Variants in TNS3 observed in about 807,000 individuals in gnomAD.
The protein encoded by TNS3 is tensin 3.
Under a neutral mutation model 140.9 loss-of-function variants are expected in TNS3, and 45 were observed. The observed-to-expected ratio is 0.32, with a 90% CI of 0.25 to 0.41. The LOEUF (loss-of-function observed/expected upper bound fraction) is 0.41, where lower values mean the gene tolerates loss of function less well. Ranked by LOEUF, TNS3 falls within the 10% of genes least tolerant of loss-of-function variation. The pLI is 1.00. For missense variants in TNS3, 1,716 were observed against 1,906.7 expected (o/e 0.90, Z 1.86); for synonymous variants, 815 against 788.4 (o/e 1.03, Z -0.56).
In TNS3 at chr7:47,297,064, A is replaced by G. The variant is rs1786067331; in HGVS notation, c.3676+18T>C. 1.2e-6 allele frequency: 2 copies of G among 1,614,088 alleles called. No individual in the cohort carries two copies. Among genetic ancestry groups the G allele is most frequent in the South Asian group, 1.1e-5 (1 of 91,082 alleles). On this transcript the variant is annotated intron_variant, in intron 24 of 30. Coordinates refer to ENST00000311160, the MANE Select transcript of TNS3 (RefSeq NM_022748.12). ...CTGTGGATGAGCTGAACAGATCAAT[A>G]GGGAGCAGTAACCTTACCTTTCTTG...
intron 3 of TNS3, among the ~76,000 whole-genome samples, chr7:47,504,769 G>T (rs911920835): frequency 2.0e-5 from 3 of 152,146 alleles, no homozygotes; most frequent in African/African-American, 7.2e-5. Flanking sequence ...AACAACGACG[G>T]CATTATATTT....
intron 20 of TNS3, among the ~76,000 whole-genome samples, chr7:47,310,349 G>A (rs1787016794): frequency 1.3e-5 from 2 of 152,104 alleles, no homozygotes; most frequent in African/African-American, 4.8e-5. Flanking sequence ...ATGCACCTAG[G>A]AAGAGGGGCC....
intron 1 of TNS3, chr7:47,556,968 T>TGCCACCAA: frequency 2.2e-6 from 1 of 453,890 alleles, no homozygotes; most frequent in South Asian, 1.6e-5. Flanking sequence ...CTCCAGTCCC[T>TGCCACCAA]GCCACCAAGC....
At chr7:47,334,870 G>A (rs1788544021) in intron 20 of TNS3, among the ~76,000 whole-genome samples, 1 of 151,958 alleles carries the variant, frequency 6.6e-6, no homozygotes, top group Non-Finnish European at 1.5e-5. Context: ...GCCTCCTAAG[G>A]TGCTGGGATT....
Position 47,490,704 on chromosome 7 carries a change from G to A in TNS3, c.-114-9563C>T, listed in dbSNP as rs568301924. On this transcript the variant is annotated intron_variant, in intron 3 of 30. Transcript: ENST00000311160. ...CCGAGGTGCCCAGTGCCAATCGTTG[G>A]AAATGGGCATGAGGGCGTTTGTGAC... 3.3e-5 allele frequency among the ~76,000 whole-genome samples: 5 copies of A among 152,368 alleles called. No homozygotes were observed. The East Asian group carries it at 9.6e-4, about 29-fold the overall frequency.
At chr7:47,482,377 G>A (rs1797453269) in intron 3 of TNS3, among the ~76,000 whole-genome samples, 1 of 152,162 alleles carries the variant, frequency 6.6e-6, no homozygotes, top group Non-Finnish European at 1.5e-5. Context: ...CTCCACCATG[G>A]CTCTGACTCA....
At chr7:47,293,252 T>A (rs954642519) in intron 25 of TNS3, among the ~76,000 whole-genome samples, 1 of 152,214 alleles carries the variant, frequency 6.6e-6, no homozygotes, top group Non-Finnish European at 1.5e-5. Flanking sequence ...TGCACAATGC[T>A]TCTTAACAAA....
intron 4 of TNS3, among the ~76,000 whole-genome samples, chr7:47,454,127 G>A (rs1205141593): frequency 1.2e-4 from 18 of 152,244 alleles, no homozygotes; most frequent in Admixed American, 9.2e-4. Context: ...TCAGTGGGCA[G>A]GGTGTTCTGG....
intron 4 of TNS3, among the ~76,000 whole-genome samples, chr7:47,460,266 T>C (rs533457868): frequency 4.4e-5 from 6 of 136,060 alleles, no homozygotes; most frequent in Admixed American, 2.9e-4. Flanking sequence ...CAGACACACA[T>C]AGAGGGGCAG....
At chr7:47,420,856 G>A (rs1370084520) in intron 10 of TNS3, among the ~76,000 whole-genome samples, 1 of 152,158 alleles carries the variant, frequency 6.6e-6, no homozygotes, top group Non-Finnish European at 1.5e-5. Context: ...AGACCCTTAT[G>A]GATTCACTGC....
At chr7:47,378,188 C>G (rs1283670178) in intron 16 of TNS3, among the ~76,000 whole-genome samples, 10 of 152,202 alleles carry the variant, frequency 6.6e-5, no homozygotes, top group Non-Finnish European at 1.5e-4. Flanking sequence ...TGCTTTCCCC[C>G]TCTCTGGTCA....
intron 24 of TNS3, among the ~76,000 whole-genome samples, chr7:47,295,767 C>T (rs191627130): frequency 1.6e-4 from 24 of 152,218 alleles, no homozygotes; most frequent in Admixed American, 2.6e-4. Context: ...TTCCCGGAAA[C>T]GCTACAGCCC....
At chr7:47,318,366 T>A (rs550805083) in intron 20 of TNS3, among the ~76,000 whole-genome samples, 3 of 152,346 alleles carry the variant, frequency 2.0e-5, no homozygotes, top group Non-Finnish European at 2.9e-5. Flanking sequence ...CCCTTTGACT[T>A]TGCGAACAGT....
At position 47,303,035 on chromosome 7, in the gene TNS3, C is replaced by A. The variant is rs770571896; in HGVS notation, c.3372G>T (p.Pro1124=). The A allele has an allele frequency of 1.2e-6, 2 of 1,613,844 alleles. No homozygotes were observed. The highest frequency in any genetic ancestry group is 1.7e-6 in the Non-Finnish European group (2 of 1,180,012). ...GGATACTGATGGTGCTCCCGCTGTG[C>A]GGGCTGGAGAAGCCACTGGAGGAGG... is the stretch of plus-strand genomic sequence containing the variant. The part of the protein sequence containing the change: ...VSPSSSGFSS[P]HSGSTISIPF... Residue 1124 remains proline (P), a synonymous_variant, in exon 22 of 31, where the codon CCG becomes CCT. Coordinates refer to ENST00000311160, the MANE Select transcript of TNS3 (RefSeq NM_022748.12).
chr7:47,316,558 T>A (rs1166776185), intron 20 of TNS3, among the ~76,000 whole-genome samples: 1 of 151,456 alleles, frequency 6.6e-6, no homozygotes, highest in Admixed American at 6.6e-5. Context: ...GTTTTTGTTT[T>A]TTTTTTTTAA....
intron 20 of TNS3, among the ~76,000 whole-genome samples, chr7:47,341,557 G>C (rs969991402): frequency 2.0e-5 from 3 of 152,058 alleles, no homozygotes; most frequent in Non-Finnish European, 4.4e-5. Flanking sequence ...TTTGGTGTCT[G>C]CAGGGTCTTT....
At chr7:47,573,503 G>C (rs1487481149) in intron 1 of TNS3, among the ~76,000 whole-genome samples, 1 of 152,186 alleles carries the variant, frequency 6.6e-6, no homozygotes, top group Admixed American at 6.5e-5. Flanking sequence ...ATTCTTCTTT[G>C]CCTTCTGCAA....
intron 1 of TNS3, among the ~76,000 whole-genome samples, chr7:47,543,349 A>C (rs1431713466): frequency 1.3e-5 from 2 of 152,168 alleles, no homozygotes; most frequent in African/African-American, 2.4e-5. Flanking sequence ...CTGGAGGGGG[A>C]AGACCAGCAG....
chr7:47,278,055 T>C lies in TNS3; in HGVS notation c.*21A>G. ...CAGGGCTTCGAGAGGCATCGGTGGG[T>C]CCAGGGAGGGAGGGGAGTTCTCAGA... is the stretch of plus-strand genomic sequence containing the variant. On this transcript the variant is annotated 3_prime_UTR_variant, in exon 31 of 31. Coordinates refer to ENST00000311160, the MANE Select transcript of TNS3 (RefSeq NM_022748.12). The C allele has an allele frequency of 6.2e-7, 1 of 1,613,832 alleles. No homozygotes were observed. The highest frequency in any genetic ancestry group is 8.5e-7 in the Non-Finnish European group (1 of 1,179,836).
Sources: allele counts gnomAD v4.1 joint callset (sites outside exome capture counted in the v4.1 genomes callset), GRCh38; gene constraint gnomAD v4.1.1; transcripts MANE v1.5; gene names NCBI Gene and HGNC (gene_info 2026-07-23, HGNC 2026-07-21).